Variants in BFSP2 observed in about 807,000 individuals in gnomAD.
BFSP2 encodes beaded filament structural protein 2, also known as phakinin.
BFSP2 carries 38 observed loss-of-function variants against 44.9 expected under a neutral mutation model. The ratio of observed to expected loss-of-function variants is 0.85; its 90% CI spans 0.65 to 1.11. The LOEUF is 1.11. Among genes scored for constraint, BFSP2 ranks in the 50% least tolerant of loss-of-function variants. BFSP2 has a pLI of 0.00. For synonymous variants in BFSP2, 197 were observed against 209.9 expected (o/e 0.94, Z 0.53); for missense variants, 525 against 533.0 (o/e 0.99, Z 0.15).
chr3:133,410,559 G>A (rs547499514), intron 1 of BFSP2: 9 of 277,684 alleles, frequency 3.2e-5, no homozygotes, highest in Non-Finnish European at 6.0e-5. Flanking sequence ...TAATGCAAAC[G>A]GGGATTCTCC....
chr3:133,459,833 G>A (rs1485364516), intron 4 of BFSP2, among the ~76,000 whole-genome samples: 2 of 152,164 alleles, frequency 1.3e-5, no homozygotes, highest in South Asian at 2.1e-4. Flanking sequence ...TTATAATAAC[G>A]ATAGCTGATC....
chr3:133,457,107 C>T (rs1234138070), intron 4 of BFSP2, among the ~76,000 whole-genome samples: 2 of 152,212 alleles, frequency 1.3e-5, no homozygotes, highest in Non-Finnish European at 2.9e-5. Context: ...CCATGTTAAC[C>T]ACCTGGGAAA....
chr3:133,426,019 G>GAAGGAAAGGGAAAGAAAGGGAAGGA (rs2073651094), intron 1 of BFSP2, among the ~76,000 whole-genome samples: 11 of 121,644 alleles, frequency 9.0e-5, no homozygotes, highest in African/African-American at 3.3e-4. Context: ...GAAGGGAAGG[G>GAAGGAAAGGGAAAGAAAGGGAAGGA]AAGGGAAGGG....
intron 1 of BFSP2, among the ~76,000 whole-genome samples, chr3:133,437,887 G>C (rs768912758): frequency 6.6e-6 from 1 of 152,198 alleles, no homozygotes; most frequent in Non-Finnish European, 1.5e-5. Context: ...GCTTCTGACA[G>C]CCAGGGGCAC....
chr3:133,416,262 C>G (rs527975948), intron 1 of BFSP2, among the ~76,000 whole-genome samples: 1 of 141,194 alleles, frequency 7.1e-6, no homozygotes, highest in African/African-American at 2.8e-5. Context: ...CCTGTCCTCT[C>G]TCCTCTACTC....
chr3:133,409,648 C>T (rs905996176), intron 1 of BFSP2, among the ~76,000 whole-genome samples: 7 of 152,140 alleles, frequency 4.6e-5, no homozygotes, highest in African/African-American at 9.7e-5. Flanking sequence ...AAAGCAAGGA[C>T]GCTATGAAAA....
At chr3:133,409,397 A>C (rs2073430157) in intron 1 of BFSP2, among the ~76,000 whole-genome samples, 1 of 152,202 alleles carries the variant, frequency 6.6e-6, no homozygotes, top group South Asian at 2.1e-4. Context: ...CAGAATTATC[A>C]ATATAAAGTC....
Position 133,400,461 on chromosome 3 carries a change from G to GC in BFSP2, c.379dup (p.Gln127ProfsTer40). 8 of 1,614,074 alleles carry GC rather than the reference G, an allele frequency of 5.0e-6. No homozygotes were observed. Among genetic ancestry groups the GC allele is most frequent in the Non-Finnish European group, 5.9e-6 (7 of 1,180,042 alleles). ...ATATGGCCAAAGTGCACGCCCTTGA[G>GC]CAAGTCAGTCAGGAGCTGGAAACAC... On this transcript the variant is annotated frameshift_variant, in exon 1 of 7. Transcript: ENST00000302334. LOFTEE classifies it high-confidence loss of function. The surrounding 1 kb of genome is among the most constrained non-coding windows in gnomAD (Gnocchi z 4.0).
intron 4 of BFSP2, among the ~76,000 whole-genome samples, chr3:133,459,156 A>G (rs967151903): frequency 2.6e-5 from 4 of 152,112 alleles, no homozygotes; most frequent in Non-Finnish European, 5.9e-5. Flanking sequence ...CCTGGGCAAC[A>G]TAGTAAGACC....
chr3:133,415,584 C>T (rs1422546857), intron 1 of BFSP2, among the ~76,000 whole-genome samples: 1 of 124,362 alleles, frequency 8.0e-6, no homozygotes, highest in Non-Finnish European at 1.7e-5. Context: ...CTCTACTCAC[C>T]CCTGCCCCCT....
intron 1 of BFSP2, among the ~76,000 whole-genome samples, chr3:133,446,237 A>G (rs1246358573): frequency 1.3e-5 from 2 of 152,092 alleles, no homozygotes; most frequent in East Asian, 3.9e-4. Flanking sequence ...CCTGGCCAAC[A>G]TGGTGAAACC....
chr3:133,420,429 G>C (rs976905258), intron 1 of BFSP2, among the ~76,000 whole-genome samples: 1 of 152,324 alleles, frequency 6.6e-6, no homozygotes, highest in Middle Eastern at 3.4e-3. Flanking sequence ...GGGATGTTGA[G>C]TTTTTGTGGT....
chr3:133,441,564 G>T (rs1238874594), intron 1 of BFSP2, among the ~76,000 whole-genome samples: 1 of 152,160 alleles, frequency 6.6e-6, no homozygotes, highest in Admixed American at 6.5e-5. Context: ...GTGATTCTCA[G>T]GTTGGAGCTA....
At chr3:133,456,104 G>A (rs2074010595) in intron 4 of BFSP2, among the ~76,000 whole-genome samples, 1 of 152,180 alleles carries the variant, frequency 6.6e-6, no homozygotes, top group African/African-American at 2.4e-5. Flanking sequence ...AACTCAGTCT[G>A]TCTTAAGAGT....
At chr3:133,443,760 T>C (rs533604340) in intron 1 of BFSP2, among the ~76,000 whole-genome samples, 100 of 152,292 alleles carry the variant, frequency 6.6e-4, no homozygotes, top group African/African-American at 2.4e-3. Flanking sequence ...CTGCACCAGC[T>C]GAGTTTAATT....
intron 4 of BFSP2, among the ~76,000 whole-genome samples, chr3:133,450,672 G>A (rs993529906): frequency 6.6e-6 from 1 of 152,206 alleles, no homozygotes; most frequent in African/African-American, 2.4e-5. Context: ...AAAAATGCTG[G>A]CAAGTATGTG....
At chr3:133,415,633 C>A (rs1409454774) in intron 1 of BFSP2, among the ~76,000 whole-genome samples, 2 of 121,742 alleles carry the variant, frequency 1.6e-5, no homozygotes, top group Non-Finnish European at 3.4e-5. Context: ...TGCCCTCTCC[C>A]CTCTACTTAC....
chr3:133,461,484 CA>C (rs1246076586), intron 4 of BFSP2, among the ~76,000 whole-genome samples: 1 of 152,156 alleles, frequency 6.6e-6, no homozygotes, highest in Non-Finnish European at 1.5e-5. Flanking sequence ...CACACCCTAA[CA>C]ACTGCACCGG....
At chr3:133,436,217 TG>T (rs1451308402) in intron 1 of BFSP2, among the ~76,000 whole-genome samples, 1 of 149,898 alleles carries the variant, frequency 6.7e-6, no homozygotes, top group African/African-American at 2.5e-5. Flanking sequence ...TCCCAGCTAC[TG>T]GGTAGACTGA....
Sources: gnomAD v4.1 joint callset for allele counts (sites outside exome capture counted in the v4.1 genomes callset) on GRCh38, gnomAD v4.1.1 for gene constraint, Gnocchi (gnomAD v3.1) non-coding constraint, MANE v1.5 for transcripts, NCBI Gene and HGNC (gene_info 2026-07-23, HGNC 2026-07-21) for gene names.